The following WDFY3 variants were observed in gnomAD, a reference collection of about 807,000 sequenced individuals.
The protein encoded by WDFY3 is WD repeat and FYVE domain-containing protein 3.
In WDFY3, 66 loss-of-function variants were observed where a neutral mutation model predicts 409.6. The ratio of observed to expected loss-of-function variants is 0.16; its 90% confidence interval spans 0.13 to 0.20. The LOEUF (loss-of-function observed/expected upper bound fraction) is 0.20, where lower values mean the gene tolerates loss of function less well. Ranked by LOEUF, WDFY3 falls within the 10% of genes least tolerant of loss-of-function variation. The pLI is 1.00. For synonymous variants in WDFY3, 1,521 were observed against 1,537.1 expected (o/e 0.99, Z 0.25); for missense variants, 3,031 against 4,298.1 (o/e 0.71, Z 8.24).
chr4:84,965,208 A>T (rs1390698620), intron 1 of WDFY3, among the ~76,000 whole-genome samples: 4 of 152,200 alleles, frequency 2.6e-5, no homozygotes, highest in African/African-American at 9.7e-5. Flanking sequence ...CCAACCTGGA[A>T]ATATGCCACT....
chr4:84,709,397 C>A (rs1325596374), intron 51 of WDFY3, 50 bp from the exon 52 acceptor site: 21 of 1,533,010 alleles, frequency 1.4e-5, no homozygotes, highest in Non-Finnish European at 1.9e-5. Flanking sequence ...AATTTTAAAT[C>A]TGAAAAATTA....
At chr4:84,731,892 T>G (rs1200207022) in intron 44 of WDFY3, among the ~76,000 whole-genome samples, 1 of 152,214 alleles carries the variant, frequency 6.6e-6, no homozygotes, top group Non-Finnish European at 1.5e-5. Flanking sequence ...CATATTTATA[T>G]TTTAGTATTC....
intron 50 of WDFY3, 90 bp downstream of exon 50, chr4:84,715,208 T>C: frequency 2.8e-6 from 2 of 711,966 alleles, no homozygotes; most frequent in South Asian, 4.1e-5. Flanking sequence ...CTCATTGATC[T>C]AGATTTTTAA....
At chr4:84,747,528 C>A (rs935364293) in intron 36 of WDFY3, among the ~76,000 whole-genome samples, 1 of 152,100 alleles carries the variant, frequency 6.6e-6, no homozygotes, top group Admixed American at 6.5e-5. Context: ...GGCATAGAGT[C>A]CAGTGAACTC....
intron 14 of WDFY3, 134 bp from the exon 15 acceptor site, chr4:84,808,551 A>T: frequency 1.5e-6 from 1 of 672,916 alleles, no homozygotes; most frequent in Non-Finnish European, 2.7e-6. Context: ...AGCAGGAACA[A>T]GGAACAAGAC....
chr4:84,937,415 C>A (rs1279050957), intron 1 of WDFY3, among the ~76,000 whole-genome samples: 1 of 152,132 alleles, frequency 6.6e-6, no homozygotes, highest in Non-Finnish European at 1.5e-5. Flanking sequence ...GCCTTCTTCT[C>A]TAACCCACTG....
At chr4:84,764,292 C>T (rs1034380906) in intron 32 of WDFY3, among the ~76,000 whole-genome samples, 1 of 152,076 alleles carries the variant, frequency 6.6e-6, no homozygotes, top group Non-Finnish European at 1.5e-5. Context: ...ATTATTAAGG[C>T]CAATAAACGA....
At position 84,678,257 on chromosome 4, in the gene WDFY3, C is replaced by T. The variant is rs1347905991; in HGVS notation, c.10170G>A (p.Leu3390=). ...LKPGYRWERQ[L]VFRSKLTMHT... ...GCATAGTCAGCTTACTCCTGAACAC[C>T]AGCTGCCGTTCCCATCGGTACCCTG... is the stretch of plus-strand genomic sequence containing the variant. The change falls in exon 66 of 68, where the codon CTG becomes CTA. Residue 3390 remains leucine, a synonymous_variant. Transcript: ENST00000295888. The T allele has an allele frequency of 1.9e-6, 3 of 1,613,980 alleles. No individual in the cohort carries two copies. Among genetic ancestry groups the T allele is most frequent in the Non-Finnish European group, 2.5e-6 (3 of 1,179,990 alleles).
intron 64 of WDFY3, among the ~76,000 whole-genome samples, chr4:84,679,874 G>GTGTATATA (rs1480973488): frequency 9.9e-4 from 145 of 147,000 alleles, no homozygotes; most frequent in African/African-American, 3.4e-3. Context: ...ACGTACGTGT[G>GTGTATATA]TATATATATA....
intron 13 of WDFY3, among the ~76,000 whole-genome samples, chr4:84,815,333 C>T (rs936732863): frequency 2.6e-5 from 4 of 152,134 alleles, no homozygotes; most frequent in Admixed American, 2.6e-4. Context: ...CTCCCCTTCC[C>T]TTTTCCCCTA....
At chr4:84,956,027 T>C (rs915618813) in intron 1 of WDFY3, among the ~76,000 whole-genome samples, 1 of 152,214 alleles carries the variant, frequency 6.6e-6, no homozygotes, top group Non-Finnish European at 1.5e-5. Flanking sequence ...GGCATAATTT[T>C]TTCATAGACC....
intron 3 of WDFY3, among the ~76,000 whole-genome samples, chr4:84,879,748 A>G (rs1055106575): frequency 2.0e-5 from 3 of 152,230 alleles, no homozygotes; most frequent in African/African-American, 7.2e-5. Context: ...AAAGCATTAC[A>G]TTCAAAATAT....
At chr4:84,732,130 G>A (rs1736700203) in intron 44 of WDFY3, among the ~76,000 whole-genome samples, 1 of 152,180 alleles carries the variant, frequency 6.6e-6, no homozygotes, top group Admixed American at 6.5e-5. Context: ...TTAAGGCACA[G>A]CTGCATCAAG....
intron 2 of WDFY3, among the ~76,000 whole-genome samples, chr4:84,912,350 C>G (rs1767908112): frequency 6.6e-6 from 1 of 152,168 alleles, no homozygotes; most frequent in African/African-American, 2.4e-5. Flanking sequence ...ACTGGTGAAG[C>G]CATCACTGCA....
chr4:84,754,936 CT>C (rs1317231328), intron 34 of WDFY3, among the ~76,000 whole-genome samples: 1 of 152,050 alleles, frequency 6.6e-6, no homozygotes, highest in Non-Finnish European at 1.5e-5. Flanking sequence ...TATACACTAT[CT>C]TATTAATTCC....
chr4:84,708,840 T>C lies in WDFY3; in HGVS notation c.8217+69A>G, dbSNP rs180916275. The C allele has an allele frequency of 1.8e-4, 275 of 1,563,876 alleles. No individual in the cohort carries two copies. Among genetic ancestry groups the C allele is most frequent in the Non-Finnish European group, 4.2e-5 (48 of 1,144,266 alleles). On this transcript the variant is annotated intron_variant, in intron 53 of 67. Coordinates refer to ENST00000295888, the MANE Select transcript of WDFY3 (RefSeq NM_014991.6). ...TTAGGGATGAGCCACTGCACCCCAC[T>C]TCAATTGTCGTATTTTAAAATTATT... is the stretch of plus-strand genomic sequence containing the variant.
At chr4:84,950,083 T>C (rs1422744602) in intron 1 of WDFY3, among the ~76,000 whole-genome samples, 1 of 151,518 alleles carries the variant, frequency 6.6e-6, no homozygotes, top group Non-Finnish European at 1.5e-5. Context: ...AAAGAATGAG[T>C]TCATGTGCTT....
chr4:84,850,282 T>C (rs1013643982), intron 4 of WDFY3, among the ~76,000 whole-genome samples: 10 of 152,116 alleles, frequency 6.6e-5, no homozygotes, highest in African/African-American at 1.2e-4. Context: ...TTGATAAAAT[T>C]TGAATCAATC....
At chr4:84,880,700 T>C (rs972280189) in intron 3 of WDFY3, among the ~76,000 whole-genome samples, 1 of 104,264 alleles carries the variant, frequency 9.6e-6, no homozygotes, top group Non-Finnish European at 1.9e-5. Context: ...TATATATATA[T>C]ATATATATAT....
Sources: allele counts gnomAD v4.1 joint callset (sites outside exome capture counted in the v4.1 genomes callset), GRCh38; gene constraint gnomAD v4.1.1; transcripts MANE v1.5; gene names NCBI Gene and HGNC (gene_info 2026-07-23, HGNC 2026-07-21).